Variants in FAT3 observed in about 807,000 individuals in gnomAD.
The protein encoded by FAT3 is protocadherin Fat 3.
In FAT3, 95 loss-of-function variants were observed where a neutral mutation model predicts 310.2. That is an observed-to-expected ratio of 0.31 (90% CI 0.26 to 0.36). FAT3 has a LOEUF of 0.36. FAT3 is among the 10% of genes least tolerant of loss of function. The probability of loss-of-function intolerance (pLI) is 1.00; values close to 1 mark genes in which losing one functional copy is unlikely to be tolerated. For synonymous variants in FAT3, 2,314 were observed against 2,192.9 expected, an observed-to-expected ratio of 1.06 and a Z score of -1.54; for missense variants, 5,408 against 5,715.6, an observed-to-expected ratio of 0.95 and a Z score of 1.74.
At chr11:92,478,948 C>CTTTCT (rs113372595) in intron 2 of FAT3, among the ~76,000 whole-genome samples, 16,585 of 114,270 alleles carry the variant, frequency 0.15, 1,741 homozygotes, top group Non-Finnish European at 0.17. Context: ...TTCTTTCTTT[C>CTTTCT]TTTCTTTTCT....
chr11:92,621,122 C>G (rs2135668100), intron 3 of FAT3, among the ~76,000 whole-genome samples: 1 of 152,256 alleles, frequency 6.6e-6, no homozygotes, highest in African/African-American at 2.4e-5. Flanking sequence ...CATACAATCA[C>G]CATCCCAAAT....
chr11:92,489,571 G>C (rs1040522509), intron 2 of FAT3, among the ~76,000 whole-genome samples: 1 of 151,928 alleles, frequency 6.6e-6, no homozygotes, highest in African/African-American at 2.4e-5. Flanking sequence ...AATTGTACTT[G>C]GGTACAAATT....
chr11:92,554,271 G>T (rs994070852), intron 3 of FAT3, among the ~76,000 whole-genome samples: 5 of 151,650 alleles, frequency 3.3e-5, no homozygotes, highest in Admixed American at 1.3e-4. Context: ...CACCATCCTG[G>T]CTAACACGGT....
intron 1 of FAT3, among the ~76,000 whole-genome samples, chr11:92,274,856 TTACTTC>T (rs1946222974): frequency 6.6e-6 from 1 of 152,262 alleles, no homozygotes; most frequent in South Asian, 2.1e-4. Flanking sequence ...GCTGTGCTGT[TTACTTC>T]TACAGATGTT....
intron 14 of FAT3, among the ~76,000 whole-genome samples, chr11:92,833,034 A>C (rs567355815): frequency 6.6e-6 from 1 of 152,354 alleles, no homozygotes; most frequent in Admixed American, 6.5e-5. Flanking sequence ...CAACAGAATA[A>C]GAGAGAACCC....
intron 3 of FAT3, among the ~76,000 whole-genome samples, chr11:92,648,747 C>G (rs2135750367): frequency 6.6e-6 from 1 of 152,202 alleles, no homozygotes; most frequent in South Asian, 2.1e-4. Flanking sequence ...AAATTGTGTC[C>G]CAGAACCAGG....
chr11:92,231,538 G>A (rs1286387266), intron 1 of FAT3, among the ~76,000 whole-genome samples: 1 of 152,110 alleles, frequency 6.6e-6, no homozygotes. Context: ...AGGTTAAGTG[G>A]AAGTTTAATT....
chr11:92,515,366 C>T (rs772122698), intron 2 of FAT3, among the ~76,000 whole-genome samples: 3 of 151,978 alleles, frequency 2.0e-5, no homozygotes, highest in Admixed American at 6.6e-5. Context: ...CAAAGATATA[C>T]CAAGATGTAC....
intron 4 of FAT3, among the ~76,000 whole-genome samples, chr11:92,726,514 G>T (rs1945004583): frequency 6.6e-6 from 1 of 152,048 alleles, no homozygotes; most frequent in Non-Finnish European, 1.5e-5. Flanking sequence ...GTAAAAGAAT[G>T]ATAAAATGCC....
intron 3 of FAT3, among the ~76,000 whole-genome samples, chr11:92,696,440 G>A (rs2459484): frequency 0.49 from 74,839 of 151,856 alleles, 18,742 homozygotes; most frequent in African/African-American, 0.56. Context: ...TGAGGTCAAG[G>A]GCTCTTTCAC....
chr11:92,690,324 C>T (rs1202240392), intron 3 of FAT3, among the ~76,000 whole-genome samples: 1 of 152,190 alleles, frequency 6.6e-6, no homozygotes, highest in East Asian at 1.9e-4. Context: ...AGTTTTAAAG[C>T]TTCTATTAGC....
intron 7 of FAT3, 113 bp from the exon 8 acceptor site, chr11:92,789,830 T>A: frequency 1.9e-6 from 2 of 1,065,496 alleles, no homozygotes; most frequent in South Asian, 1.5e-5. Flanking sequence ...CAAGAGCTAC[T>A]AGAAGCTAGG....
At chr11:92,491,159 A>G (rs1187642256) in intron 2 of FAT3, among the ~76,000 whole-genome samples, 1 of 152,080 alleles carries the variant, frequency 6.6e-6, no homozygotes, top group Non-Finnish European at 1.5e-5. Flanking sequence ...TTAGATGTCA[A>G]GAAAGGCCAT....
intron 2 of FAT3, among the ~76,000 whole-genome samples, chr11:92,515,552 T>C (rs1373235643): frequency 6.6e-6 from 1 of 152,134 alleles, no homozygotes; most frequent in Non-Finnish European, 1.5e-5. Flanking sequence ...ATAGACAATA[T>C]GGTTTTTGTT....
intron 3 of FAT3, among the ~76,000 whole-genome samples, chr11:92,555,674 G>T (rs1954992344): frequency 6.6e-6 from 1 of 152,170 alleles, no homozygotes; most frequent in African/African-American, 2.4e-5. Context: ...GGCCTGTGTT[G>T]ACTAATCCTG....
chr11:92,316,928 A>C (rs1947478686), intron 1 of FAT3, among the ~76,000 whole-genome samples: 1 of 152,188 alleles, frequency 6.6e-6, no homozygotes, highest in East Asian at 1.9e-4. Context: ...CATTTCAACA[A>C]AGAAGGAATA....
chr11:92,730,343 GA>G (rs916218258), intron 4 of FAT3, among the ~76,000 whole-genome samples: 9 of 152,184 alleles, frequency 5.9e-5, no homozygotes, highest in African/African-American at 2.2e-4. Context: ...GTCTCAAAAA[GA>G]AAAATTAATA....
intron 4 of FAT3, among the ~76,000 whole-genome samples, chr11:92,735,150 T>G (rs1945304277): frequency 6.7e-6 from 1 of 149,680 alleles, no homozygotes; most frequent in South Asian, 2.1e-4. Flanking sequence ...AAACCACCTG[T>G]GCTGAATGAC....
intron 2 of FAT3, among the ~76,000 whole-genome samples, chr11:92,479,019 A>G (rs1423684383): frequency 8.7e-6 from 1 of 114,764 alleles, no homozygotes; most frequent in African/African-American, 3.3e-5. Flanking sequence ...GTTTTTTTTT[A>G]GAGACAGGGT....
Sources: allele counts gnomAD v4.1 joint callset (sites outside exome capture counted in the v4.1 genomes callset), GRCh38; gene constraint gnomAD v4.1.1; transcripts MANE v1.5; gene names NCBI Gene and HGNC (gene_info 2026-07-23, HGNC 2026-07-21).